Variants in AKT2 observed in about 807,000 individuals in gnomAD.
AKT2 encodes RAC-beta serine/threonine-protein kinase.
A neutral mutation model predicts 58.6 loss-of-function variants in AKT2; 16 were observed. The observed-to-expected ratio is 0.27, with a 90% CI of 0.18 to 0.41. The LOEUF (loss-of-function observed/expected upper bound fraction) is 0.41. Among genes scored for constraint, AKT2 ranks in the 10% least tolerant of loss-of-function variants. The pLI is 1.00. For synonymous variants in AKT2, 253 were observed against 254.0 expected, an observed-to-expected ratio of 1.00 and a Z score of 0.04; for missense variants, 438 against 661.0, an observed-to-expected ratio of 0.66 and a Z score of 3.70.
chr19:40,262,236 A>G (rs993918076), intron 2 of AKT2, among the ~76,000 whole-genome samples: 7 of 151,544 alleles, frequency 4.6e-5, no homozygotes, highest in Admixed American at 1.3e-4. Context: ...GCAAGACCAT[A>G]TATCTATGAA....
intron 6 of AKT2, among the ~76,000 whole-genome samples, chr19:40,240,479 A>G (rs1170793488): frequency 6.6e-6 from 1 of 152,224 alleles, no homozygotes; most frequent in Non-Finnish European, 1.5e-5. Context: ...CAAAGAAGGA[A>G]AAACAGTGCT....
intron 2 of AKT2, among the ~76,000 whole-genome samples, chr19:40,263,896 C>A (rs1359737885): frequency 6.6e-6 from 1 of 152,174 alleles, no homozygotes; most frequent in Non-Finnish European, 1.5e-5. Flanking sequence ...TTCCTTCAGG[C>A]CTTTATTCAG....
In AKT2 at chr19:40,242,384, C is replaced by T. The variant is rs937795856; in HGVS notation, c.441+150G>A. ...CGGGCATGGAGCACACCCTAGGGCA[C>T]CTGCCACCTGAAATCACCCCACCCT... On this transcript the variant is annotated intron_variant, in intron 5 of 13. Transcript: ENST00000392038. This position sits in a 1 kb window ranked among gnomAD's most constrained non-coding sequence, Gnocchi z 4.3. 3.1e-5 allele frequency: 39 copies of T among 1,269,714 alleles called. No individual in the cohort carries two copies. The highest frequency in any genetic ancestry group is 2.5e-4 in the Middle Eastern group (1 of 3,972). 78.7% of individuals were successfully genotyped at this position (1,269,714 alleles called of 1,614,324 possible). A position where few individuals can be genotyped will look rare whatever the true frequency, so the allele number is the denominator to read the frequency against.
chr19:40,259,309 A>G (rs1158118065), intron 2 of AKT2, among the ~76,000 whole-genome samples: 4 of 152,316 alleles, frequency 2.6e-5, no homozygotes, highest in East Asian at 1.9e-4. Flanking sequence ...AGAGTAGCCT[A>G]TCCTCACAAT....
intron 1 of AKT2, among the ~76,000 whole-genome samples, chr19:40,283,960 G>A (rs1443727214): frequency 6.6e-6 from 1 of 152,184 alleles, no homozygotes; most frequent in Non-Finnish European, 1.5e-5. Context: ...CGTGGCCAGC[G>A]ACAGAGGAGC....
At chr19:40,283,756 C>T (rs2077465026) in intron 1 of AKT2, among the ~76,000 whole-genome samples, 1 of 152,186 alleles carries the variant, frequency 6.6e-6, no homozygotes. Flanking sequence ...TGTCCCAAGC[C>T]CTTCAGAGCA....
At chr19:40,267,080 T>C (rs1036341255) in intron 1 of AKT2, among the ~76,000 whole-genome samples, 42 of 152,084 alleles carry the variant, frequency 2.8e-4, no homozygotes, top group African/African-American at 1.0e-3. Flanking sequence ...TCTGCCCCCA[T>C]CTGCCCCCAC....
intron 1 of AKT2, among the ~76,000 whole-genome samples, chr19:40,277,138 G>C (rs896375985): frequency 3.3e-5 from 5 of 152,156 alleles, no homozygotes; most frequent in African/African-American, 9.7e-5. Flanking sequence ...TTGAAAAATA[G>C]GTGGCAATTA....
rs911773897 is a variant in AKT2 at position 40,234,052 on chromosome 19, C to CACAGG, written c.1367-106_1367-102dup. 4.9e-6 allele frequency: 6 copies of CACAGG among 1,227,458 alleles called. No individual in the cohort carries two copies. The highest frequency in any genetic ancestry group is 6.9e-6 in the Non-Finnish European group (6 of 871,560). The allele number at this position is 1,227,458 out of a possible 1,614,324, so 76.0% of individuals were successfully genotyped here. On this transcript the variant is annotated intron_variant, in intron 13 of 13. Transcript: ENST00000392038. The surrounding 1 kb of genome is among the most constrained non-coding windows in gnomAD (Gnocchi z 4.7). ...ACGGCCCCAGCTGGCGGGGGCTGCCCACAGGACAGGACAGGAAAGGCCCAT... is the reference window on the plus strand; with the variant it reads ...ACGGCCCCAGCTGGCGGGGGCTGCCCACAGGACAGGACAGGACAGGAAAGGCCCAT...
intron 1 of AKT2, among the ~76,000 whole-genome samples, chr19:40,267,121 G>C (rs562188779): frequency 6.6e-6 from 1 of 151,430 alleles, no homozygotes; most frequent in Non-Finnish European, 1.5e-5. Flanking sequence ...CTCCACTCTT[G>C]CTCCCTCCCA....
At chr19:40,258,106 C>G (rs1292869488) in intron 2 of AKT2, among the ~76,000 whole-genome samples, 42 of 151,858 alleles carry the variant, frequency 2.8e-4, no homozygotes, top group Admixed American at 2.7e-3. Context: ...ATTAGCCAGG[C>G]ATGGTGGTGC....
At position 40,232,699 on chromosome 19, in the gene AKT2, G is replaced by A. The variant is rs1029462473; in HGVS notation, c.*1173C>T. Reference sequence around the variant, plus strand: ...CCAAGCCCACACACCATGCACACTGGAGGACACGCTGCCCTCACACAAACA... The same window carrying A: ...CCAAGCCCACACACCATGCACACTGAAGGACACGCTGCCCTCACACAAACA... On this transcript the variant is annotated 3_prime_UTR_variant, in exon 14 of 14. Transcript: ENST00000392038. 2.1e-5 allele frequency: 5 copies of A among 233,332 alleles called. No homozygotes were observed. Among genetic ancestry groups the A allele is most frequent in the East Asian group, 6.0e-5 (1 of 16,576 alleles). The allele number at this position is 233,332 out of a possible 1,614,324, so 14.5% of individuals were successfully genotyped here.
Position 40,256,933 on chromosome 19 carries a change from G to A in AKT2, c.168C>T (p.Ser56=), listed in dbSNP as rs374666111. 59 of 1,614,168 alleles carry A rather than the reference G, an allele frequency of 3.7e-5. No individual in the cohort carries two copies. The highest frequency in any genetic ancestry group is 1.9e-4 in the African/African-American group (14 of 75,064). The part of the protein sequence containing the change: ...DQTLPPLNNF[S]VAECQLMKTE... Reference sequence around the variant, plus strand: ...ACTCATCCCAAGACACACCTGCTACGGAGAAGTTGTTTAAGGGGGGTAGAG... The same window carrying A: ...ACTCATCCCAAGACACACCTGCTACAGAGAAGTTGTTTAAGGGGGGTAGAG... Residue 56 remains serine (S), a synonymous_variant, in exon 3 of 14, where the codon TCC becomes TCT. Coordinates refer to ENST00000392038, the MANE Select transcript of AKT2 (RefSeq NM_001626.6).
intron 4 of AKT2, among the ~76,000 whole-genome samples, chr19:40,251,735 G>T (rs1026600455): frequency 6.6e-6 from 1 of 151,998 alleles, no homozygotes; most frequent in African/African-American, 2.4e-5. Context: ...GTACGGCATG[G>T]ATAAGGAGAA....
chr19:40,278,330 G>A (rs984519207), intron 1 of AKT2, among the ~76,000 whole-genome samples: 2 of 152,272 alleles, frequency 1.3e-5, no homozygotes, highest in South Asian at 2.1e-4. Flanking sequence ...TCGGGACAGC[G>A]AGCTGCCAGG....
At chr19:40,268,436 G>C (rs1976512781) in intron 1 of AKT2, 1 of 152,272 alleles carries the variant, frequency 6.6e-6, no homozygotes, top group Non-Finnish European at 1.5e-5. Flanking sequence ...CTGGGTTCCA[G>C]AGTCCAAGAG....
chr19:40,278,536 G>A (rs938339293), intron 1 of AKT2, among the ~76,000 whole-genome samples: 3 of 152,082 alleles, frequency 2.0e-5, no homozygotes, highest in Admixed American at 1.3e-4. Context: ...AATATGCAGC[G>A]TCTGGTTGGG....
At position 40,238,252 on chromosome 19, in the gene AKT2, A is replaced by C. The variant is rs1372140396; in HGVS notation, c.709-161T>G. On this transcript the variant is annotated intron_variant, in intron 8 of 13. Coordinates refer to ENST00000392038, the MANE Select transcript of AKT2 (RefSeq NM_001626.6). This position sits in a 1 kb window ranked among gnomAD's most constrained non-coding sequence, Gnocchi z 5.1. Reference sequence around the variant, plus strand: ...CAATCAAGGCAGAGCGCAGAAGCTCATAAGTGACACAGAGCTGGGGGGAAG... The same window carrying C: ...CAATCAAGGCAGAGCGCAGAAGCTCCTAAGTGACACAGAGCTGGGGGGAAG... Among the ~76,000 whole-genome samples the C allele has an allele frequency of 1.3e-5, 2 of 151,266 alleles. No homozygotes were observed. The highest frequency in any genetic ancestry group is 3.9e-4 in the East Asian group (2 of 5,190).
intron 6 of AKT2, chr19:40,240,394 GACAA>G (rs1974320269): frequency 1.6e-6 from 1 of 642,628 alleles, no homozygotes; most frequent in Non-Finnish European, 3.0e-6. Flanking sequence ...CTGCAAGGGA[GACAA>G]ACAGACATCA....
Sources: allele counts gnomAD v4.1 joint callset (sites outside exome capture counted in the v4.1 genomes callset), GRCh38; gene constraint gnomAD v4.1.1; non-coding constraint Gnocchi (gnomAD v3.1); transcripts MANE v1.5; gene names NCBI Gene and HGNC (gene_info 2026-07-23, HGNC 2026-07-21).